Variants in CCDC57 observed in about 807,000 individuals in gnomAD.
The protein encoded by CCDC57 is coiled-coil domain containing 57, also known as coiled-coil domain-containing protein 57.
CCDC57 carries 118 observed loss-of-function variants against 118.9 expected under a neutral mutation model. The observed-to-expected ratio is 0.99, with a 90% CI of 0.86 to 1.16. The LOEUF is 1.16. Ranked by LOEUF, CCDC57 falls within the 50% of genes most tolerant of loss-of-function variation. The pLI, the probability that CCDC57 is intolerant of heterozygous loss-of-function variation, is 0.00. For missense variants in CCDC57, 1,300 were observed against 1,320.7 expected (o/e 0.98, Z 0.24); for synonymous variants, 527 against 532.9 (o/e 0.99, Z 0.15).
intron 11 of CCDC57, among the ~76,000 whole-genome samples, chr17:82,173,707 A>T (rs1209270721): frequency 6.6e-6 from 1 of 152,160 alleles, no homozygotes; most frequent in Non-Finnish European, 1.5e-5. Flanking sequence ...ACAAAATGGA[A>T]ACTCTAAAAG....
intron 18 of CCDC57, among the ~76,000 whole-genome samples, chr17:82,128,256 G>A (rs1040414443): frequency 2.6e-5 from 4 of 152,196 alleles, no homozygotes; most frequent in Admixed American, 6.5e-5. Flanking sequence ...AAAGGCCAGC[G>A]TGGGCCCCAT....
At chr17:82,157,935 G>A in exon 15 of CCDC57, 1 of 1,555,282 alleles carries the variant, frequency 6.4e-7, no homozygotes, top group Non-Finnish European at 8.7e-7. Context: ...CGGCTCCAGG[G>A]GTTCCCGCAG....
chr17:82,169,359 C>T (rs2044386000), intron 13 of CCDC57, among the ~76,000 whole-genome samples: 3 of 152,170 alleles, frequency 2.0e-5, no homozygotes, highest in Non-Finnish European at 4.4e-5. Context: ...AAACTCCCGA[C>T]CTCAGGTGAT....
At chr17:82,129,276 C>T (rs2145284532) in intron 17 of CCDC57, among the ~76,000 whole-genome samples, 2 of 152,240 alleles carry the variant, frequency 1.3e-5, no homozygotes, top group South Asian at 4.1e-4. Context: ...CCTGATGTCT[C>T]CCCCCTTCTG....
chr17:82,148,230 GTGGGTAGA>G (rs1180043483), intron 16 of CCDC57, among the ~76,000 whole-genome samples: 7 of 148,914 alleles, frequency 4.7e-5, no homozygotes, highest in South Asian at 2.2e-4. Context: ...GGATGGGTGG[GTGGGTAGA>G]TGGGTAGATG....
chr17:82,112,451 C>T (rs1049909109), intron 19 of CCDC57: 1 of 152,444 alleles, frequency 6.6e-6, no homozygotes, highest in African/African-American at 2.4e-5. Context: ...TGTGCGAGGT[C>T]TGGAAGTTGT....
chr17:82,179,170 G>A (rs376881117), exon 10 of CCDC57: 66 of 1,613,696 alleles, frequency 4.1e-5, no homozygotes, highest in Non-Finnish European at 5.5e-5. Context: ...TCCACTGCCA[G>A]GGACAGCTGT....
intron 17 of CCDC57, among the ~76,000 whole-genome samples, chr17:82,132,862 C>G (rs1451479964): frequency 6.8e-6 from 1 of 146,900 alleles, no homozygotes; most frequent in Non-Finnish European, 1.5e-5. Flanking sequence ...TGGGTTCAAG[C>G]AATTCTCCTG....
intron 19 of CCDC57, among the ~76,000 whole-genome samples, chr17:82,122,574 GCT>G (rs1233769341): frequency 1.0e-3 from 148 of 147,658 alleles, no homozygotes; most frequent in African/African-American, 3.6e-3. Context: ...TGCCTGCCCA[GCT>G]GCCTGCTATG....
At chr17:82,200,079 G>A (rs1469888211) in intron 3 of CCDC57, among the ~76,000 whole-genome samples, 2 of 152,178 alleles carry the variant, frequency 1.3e-5, no homozygotes, top group Non-Finnish European at 2.9e-5. Flanking sequence ...TGAGCTAGAG[G>A]GGCACCACAC....
chr17:82,170,083 G>A (rs2044492152), intron 13 of CCDC57, among the ~76,000 whole-genome samples: 1 of 152,194 alleles, frequency 6.6e-6, no homozygotes, highest in East Asian at 1.9e-4. Context: ...TCTATGGACT[G>A]AGCTCTGCCC....
At chr17:82,182,659 A>G (rs1041076576) in intron 9 of CCDC57, among the ~76,000 whole-genome samples, 1 of 149,976 alleles carries the variant, frequency 6.7e-6, no homozygotes, top group Non-Finnish European at 1.5e-5. Flanking sequence ...CGGCCCACCA[A>G]ACATTTATTT....
At chr17:82,166,397 C>T (rs762989621) in intron 13 of CCDC57, among the ~76,000 whole-genome samples, 13 of 151,152 alleles carry the variant, frequency 8.6e-5, no homozygotes, top group Non-Finnish European at 1.8e-4. Context: ...TACCTATAAC[C>T]CCAGCTCTTC....
intron 16 of CCDC57, among the ~76,000 whole-genome samples, chr17:82,140,683 T>C (rs546260550): frequency 7.2e-5 from 11 of 152,362 alleles, no homozygotes; most frequent in Admixed American, 5.9e-4. Flanking sequence ...AGGCCCTGCA[T>C]GGAAGGCCAA....
At chr17:82,200,612 C>A (rs753802173) in intron 3 of CCDC57, among the ~76,000 whole-genome samples, 14 of 151,798 alleles carry the variant, frequency 9.2e-5, no homozygotes, top group African/African-American at 1.5e-4. Flanking sequence ...GGCAAAACCC[C>A]GTCTCTACTA....
intron 17 of CCDC57, among the ~76,000 whole-genome samples, chr17:82,131,125 T>G (rs754417553): frequency 6.0e-5 from 9 of 151,250 alleles, no homozygotes; most frequent in African/African-American, 1.2e-4. Context: ...TGGCCACATT[T>G]TTTTTAAAAG....
intron 13 of CCDC57, among the ~76,000 whole-genome samples, chr17:82,170,696 A>C (rs2044589741): frequency 6.6e-6 from 1 of 152,120 alleles, no homozygotes. Flanking sequence ...AGACTCCAGA[A>C]GTGAGAAAAT....
chr17:82,145,359 C>G (rs2040580557), intron 16 of CCDC57, among the ~76,000 whole-genome samples: 1 of 149,818 alleles, frequency 6.7e-6, no homozygotes, highest in African/African-American at 2.4e-5. Context: ...CCAGCCTGGC[C>G]AACATGGTGA....
At position 82,101,872 on chromosome 17, in the gene CCDC57, A is replaced by G; in HGVS notation, c.2900-6T>C. On this transcript the variant is annotated splice_region_variant and splice_polypyrimidine_tract_variant and intron_variant, in intron 19 of 19. Transcript: ENST00000665763. ...TGCTGGAGGAGCTGGGAGCTCTGTC[A>G]GGTAAAGAGGAAAAAACAGCATGCA... is the stretch of plus-strand genomic sequence containing the variant. 1 of 1,563,542 alleles carries G rather than the reference A, an allele frequency of 6.4e-7. No individual in the cohort carries two copies. The highest frequency in any genetic ancestry group is 8.6e-7 in the Non-Finnish European group (1 of 1,156,770).
Sources: allele counts gnomAD v4.1 joint callset (sites outside exome capture counted in the v4.1 genomes callset), GRCh38; gene constraint gnomAD v4.1.1; transcripts MANE v1.5; gene names NCBI Gene and HGNC (gene_info 2026-07-23, HGNC 2026-07-21).